Variants in CAMKK1 observed in about 807,000 individuals in gnomAD.
CAMKK1 encodes calcium/calmodulin dependent protein kinase kinase 1, also known as calcium/calmodulin-dependent protein kinase kinase 1.
Under a neutral mutation model 63.5 loss-of-function variants are expected in CAMKK1, and 20 were observed. The ratio of observed to expected loss-of-function variants is 0.32; its 90% CI spans 0.22 to 0.46. CAMKK1 has a LOEUF of 0.46. CAMKK1 is among the 20% of genes least tolerant of loss of function. CAMKK1 has a pLI of 1.00. For synonymous variants in CAMKK1, 253 were observed against 269.0 expected (o/e 0.94, Z 0.58); for missense variants, 588 against 658.1 (o/e 0.89, Z 1.17).
chr17:3,872,032 C>T (rs747373506), intron 12 of CAMKK1, among the ~76,000 whole-genome samples: 31 of 152,234 alleles, frequency 2.0e-4, no homozygotes, highest in Non-Finnish European at 4.1e-4. Flanking sequence ...TGAGGCGAAC[C>T]ATGCATGAGC....
At position 3,887,843 on chromosome 17, in the gene CAMKK1, C is replaced by A. The variant is rs2055722918; in HGVS notation, c.-43-2113G>T. Reference sequence around the variant, plus strand: ...AACACCCTCCAGGACCCGCCAGGCTCCTCCCAGCAGGTGGCCCACCCCTCC... The same window carrying A: ...AACACCCTCCAGGACCCGCCAGGCTACTCCCAGCAGGTGGCCCACCCCTCC... On this transcript the variant is annotated intron_variant, in intron 1 of 15. Coordinates refer to ENST00000348335, the MANE Select transcript of CAMKK1 (RefSeq NM_032294.3). The surrounding 1 kb of genome is among the most constrained non-coding windows in gnomAD (Gnocchi z 6.1). Among the ~76,000 whole-genome samples, 1 of 152,176 alleles carries A rather than the reference C, an allele frequency of 6.6e-6. No individual in the cohort carries two copies. Among genetic ancestry groups the A allele is most frequent in the Admixed American group, 6.5e-5 (1 of 15,282 alleles).
intron 1 of CAMKK1, among the ~76,000 whole-genome samples, chr17:3,886,179 G>C (rs1210726001): frequency 6.6e-6 from 1 of 152,194 alleles, no homozygotes; most frequent in African/African-American, 2.4e-5. Context: ...CTAGACACTA[G>C]TAACTCAGAA....
chr17:3,872,686 G>T (rs1030684595), intron 11 of CAMKK1, 59 bp from the exon 12 acceptor site: 1 of 1,464,596 alleles, frequency 6.8e-7, no homozygotes, highest in East Asian at 2.3e-5. Flanking sequence ...TGTGCCAGGG[G>T]ATCAACCCCC....
In CAMKK1 at chr17:3,885,705, T is replaced by A; in HGVS notation, c.-18A>T. The A allele has an allele frequency of 6.2e-7, 1 of 1,610,144 alleles. No individual in the cohort carries two copies. Among genetic ancestry groups the A allele is most frequent in the Non-Finnish European group, 8.5e-7 (1 of 1,179,822 alleles). ...CCCTCCATTGCTTCAGTCAAGGGGG[T>A]TCTTCTGCGTAGCCTTGTTGGGAAC... On this transcript the variant is annotated 5_prime_UTR_variant, in exon 2 of 16. Coordinates refer to ENST00000348335, the MANE Select transcript of CAMKK1 (RefSeq NM_032294.3).
In CAMKK1 at chr17:3,862,389, G is replaced by T; in HGVS notation, c.1446-106C>A. ...GAATCTGAATCCCACATCTCTCAAA[G>T]CCCCCTTCACCCACTGCCCCAAGCT... On this transcript the variant is annotated intron_variant, in intron 15 of 15. Coordinates refer to ENST00000348335, the MANE Select transcript of CAMKK1 (RefSeq NM_032294.3). This position sits in a 1 kb window ranked among gnomAD's most constrained non-coding sequence, Gnocchi z 4.1. The T allele has an allele frequency of 1.0e-6, 1 of 984,944 alleles. No individual in the cohort carries two copies. Among genetic ancestry groups the T allele is most frequent in the Non-Finnish European group, 1.6e-6 (1 of 642,934 alleles). 61.0% of individuals were successfully genotyped at this position (984,944 alleles called of 1,614,324 possible). A position where few individuals can be genotyped will look rare whatever the true frequency, so the allele number is the denominator to read the frequency against.
rs2055458277 is a variant in CAMKK1, at chr17:3,882,574, G to C, written c.649-10C>G. The C allele has an allele frequency of 1.3e-6, 2 of 1,591,160 alleles. No individual in the cohort carries two copies. The highest frequency in any genetic ancestry group is 1.8e-5 in the Admixed American group (1 of 56,578). On this transcript the variant is annotated splice_polypyrimidine_tract_variant and intron_variant, in intron 6 of 15. Transcript: ENST00000348335. The surrounding 1 kb of genome is among the most constrained non-coding windows in gnomAD (Gnocchi z 4.3). ...CTGGGTCATCCAGGACCTGGTCAGA[G>C]GGAGCAGACATGGGGGTGGGGCTTG...
intron 12 of CAMKK1, among the ~76,000 whole-genome samples, chr17:3,871,627 A>G (rs2054887141): frequency 6.9e-6 from 1 of 145,354 alleles, no homozygotes; most frequent in Admixed American, 6.9e-5. Flanking sequence ...AAGTGCTGGA[A>G]TTACAGGTGT....
chr17:3,872,707 G>A, intron 11 of CAMKK1, 80 bp from the exon 12 acceptor site: 4 of 1,220,388 alleles, frequency 3.3e-6, no homozygotes, highest in Non-Finnish European at 4.9e-6. Context: ...CTCCCTTGGT[G>A]GGGGCAGGGG....
At chr17:3,874,475 G>A (rs528146949) in intron 10 of CAMKK1, among the ~76,000 whole-genome samples, 6 of 152,294 alleles carry the variant, frequency 3.9e-5, no homozygotes, top group Admixed American at 3.9e-4. Flanking sequence ...GGGTTCGAAC[G>A]ATTCTTCTGC....
At chr17:3,870,404 G>C (rs967284746) in intron 12 of CAMKK1, among the ~76,000 whole-genome samples, 9 of 150,592 alleles carry the variant, frequency 6.0e-5, no homozygotes, top group South Asian at 2.1e-4. Context: ...CTCGCTCTGT[G>C]GCCCAGGCTG....
rs1260987171 is a variant in CAMKK1, at chr17:3,873,529, G to A, written c.997-67C>T. 2.2e-5 allele frequency: 33 copies of A among 1,522,436 alleles called. No individual in the cohort carries two copies. The East Asian group carries it at 3.8e-4, about 18-fold the overall frequency. The allele number at this position is 1,522,436 out of a possible 1,614,324, so 94.3% of individuals were successfully genotyped here. ...CCACCTCTGCCCACCCAGCTCCAGC[G>A]GGCTGCAGGAGAGGCCTGCAGGGAA... On this transcript the variant is annotated intron_variant, in intron 10 of 15. Transcript: ENST00000348335.
intron 10 of CAMKK1, among the ~76,000 whole-genome samples, chr17:3,874,696 A>T (rs1325831469): frequency 2.7e-5 from 4 of 147,894 alleles, no homozygotes; most frequent in Non-Finnish European, 5.9e-5. Flanking sequence ...TTTAGTAGAG[A>T]CGGGGTTTCA....
intron 8 of CAMKK1, among the ~76,000 whole-genome samples, chr17:3,881,342 AAC>A (rs1313395650): frequency 6.6e-6 from 1 of 152,078 alleles, no homozygotes. Context: ...TTACCTAAAA[AAC>A]ACTCCTTTCT....
chr17:3,869,603 C>T lies in CAMKK1; in HGVS notation c.1225G>A (p.Val409Met). Residue 409 changes from valine to methionine, a missense_variant, in exon 14 of 16, where the codon GTG becomes ATG. This residue lies in a region of CAMKK1 where 226 missense variants were observed against 229.2 expected (regional missense o/e 0.99). Coordinates refer to ENST00000348335, the MANE Select transcript of CAMKK1 (RefSeq NM_032294.3). ...AGGGGCTCCTCCCCGTTCTTGGTCA[C>T]CCAAGGGTGCAACTGTCGGGGCCGG... ...GVPDIKLHPWVTKNGEEPLPS... is the reference protein window; with the variant it reads ...GVPDIKLHPWMTKNGEEPLPS... 1 of 1,614,224 alleles carries T rather than the reference C, an allele frequency of 6.2e-7. No individual in the cohort carries two copies.
At chr17:3,867,054 G>A (rs140129439) in intron 14 of CAMKK1, among the ~76,000 whole-genome samples, 1 of 152,228 alleles carries the variant, frequency 6.6e-6, no homozygotes, top group Non-Finnish European at 1.5e-5. Context: ...GGGGGAGACA[G>A]GCGATAAGTA....
chr17:3,860,320 T>C lies in CAMKK1; in HGVS notation c.*1891A>G, dbSNP rs1046716209. On this transcript the variant is annotated 3_prime_UTR_variant, in exon 16 of 16. Coordinates refer to ENST00000348335, the MANE Select transcript of CAMKK1 (RefSeq NM_032294.3). ...AGAAAATGTACGCACAAACCTTTTT[T>C]TTTTCTTTTTAACTCAAGAAAGGGC... is the stretch of plus-strand genomic sequence containing the variant. The C allele has an allele frequency of 6.6e-6, 1 of 152,660 alleles. No homozygotes were observed. 9.5% of individuals were successfully genotyped at this position (152,660 alleles called of 1,614,324 possible).
intron 14 of CAMKK1, among the ~76,000 whole-genome samples, chr17:3,867,199 G>A (rs2054563063): frequency 1.3e-5 from 2 of 152,254 alleles, no homozygotes; most frequent in Non-Finnish European, 2.9e-5. Flanking sequence ...TCTAGGAGGG[G>A]ACCCTGGCGT....
chr17:3,868,932 C>T (rs960689580), intron 14 of CAMKK1, among the ~76,000 whole-genome samples: 7 of 150,736 alleles, frequency 4.6e-5, no homozygotes, highest in Non-Finnish European at 5.9e-5. Context: ...GGATTCCAGG[C>T]GTGAGCCACC....
In CAMKK1 at chr17:3,862,012, C is replaced by T; in HGVS notation, c.*199G>A. 1.7e-6 allele frequency: 1 copy of T among 594,154 alleles called. No homozygotes were observed. Among genetic ancestry groups the T allele is most frequent in the Non-Finnish European group, 3.0e-6 (1 of 331,730 alleles). The allele number at this position is 594,154 out of a possible 1,614,324, so 36.8% of individuals were successfully genotyped here. On this transcript the variant is annotated 3_prime_UTR_variant, in exon 16 of 16. Transcript: ENST00000348335. This position sits in a 1 kb window ranked among gnomAD's most constrained non-coding sequence, Gnocchi z 4.1. ...GGATGGCCTCGTGGGAGCCCTGCCC[C>T]CAAGACCCCAAATGACATACATTCC... is the stretch of plus-strand genomic sequence containing the variant.
Sources: gnomAD v4.1 joint callset for allele counts (sites outside exome capture counted in the v4.1 genomes callset) on GRCh38, gnomAD v4.1.1 for gene constraint, gnomAD v4.1.1 regional missense constraint, Gnocchi (gnomAD v3.1) non-coding constraint, MANE v1.5 for transcripts, NCBI Gene and HGNC (gene_info 2026-07-23, HGNC 2026-07-21) for gene names.